Variants in FAT3 observed in about 807,000 individuals in gnomAD.
FAT3 encodes the protein protocadherin Fat 3.
In FAT3, 95 loss-of-function variants were observed where a neutral mutation model predicts 310.2. The observed-to-expected ratio is 0.31, with a 90% confidence interval of 0.26 to 0.36. FAT3 has a LOEUF of 0.36. Among genes scored for constraint, FAT3 ranks in the 10% least tolerant of loss-of-function variants. FAT3 has a pLI of 1.00. For missense variants in FAT3, 5,408 were observed against 5,715.6 expected (o/e 0.95, Z 1.74); for synonymous variants, 2,314 against 2,192.9 (o/e 1.06, Z -1.54).
At chr11:92,688,147 C>T (rs1943688383) in intron 3 of FAT3, among the ~76,000 whole-genome samples, 1 of 151,982 alleles carries the variant, frequency 6.6e-6, no homozygotes, top group African/African-American at 2.4e-5. Flanking sequence ...GCCTGTAGAG[C>T]TATGATCATG....
At chr11:92,452,171 G>A (rs1951372145) in intron 2 of FAT3, among the ~76,000 whole-genome samples, 1 of 152,166 alleles carries the variant, frequency 6.6e-6, no homozygotes, top group Non-Finnish European at 1.5e-5. Flanking sequence ...GTCAACCAGT[G>A]AGCATTAGTG....
chr11:92,766,909 A>C (rs1488874607), intron 6 of FAT3: 2 of 152,350 alleles, frequency 1.3e-5, no homozygotes, highest in African/African-American at 4.8e-5. Flanking sequence ...AGTGCAATTC[A>C]GTTCTTACAC....
At position 92,523,164 on chromosome 11, in the gene FAT3, TTTG is replaced by T. The variant is rs57625183; in HGVS notation, c.3293-1457_3293-1455del. Among the ~76,000 whole-genome samples the T allele has an allele frequency of 1.9e-3, 296 of 152,204 alleles. 1 individual carries two copies. Among genetic ancestry groups the T allele is most frequent in the African/African-American group, 6.8e-3 (281 of 41,494 alleles). On this transcript the variant is annotated intron_variant, in intron 2 of 27. Transcript: ENST00000525166. The stretch of plus-strand genomic sequence containing the variant: ...ACACATCACTGCGTTTATAATAGCT[TTTG>T]TTGTTGTTGTTGCTTTTACTTCTCA...
At position 92,886,841 on chromosome 11, in the gene FAT3, C is replaced by G; in HGVS notation, c.12938-159C>G. On this transcript the variant is annotated intron_variant, in intron 24 of 27. Transcript: ENST00000525166. Reference sequence around the variant, plus strand: ...TCACTTGATTGACAGAACTTTGCCCCCAGTGGCACAGTCAATTTTCTACTG... The same window carrying G: ...TCACTTGATTGACAGAACTTTGCCCGCAGTGGCACAGTCAATTTTCTACTG... 10 of 612,772 alleles carry G rather than the reference C, an allele frequency of 1.6e-5. No individual in the cohort carries two copies. The South Asian group carries it at 2.0e-4, about 12-fold the overall frequency. The allele number at this position is 612,772 out of a possible 1,614,324, so 38.0% of individuals were successfully genotyped here.
At chr11:92,771,488 T>C (rs990803519) in intron 6 of FAT3, among the ~76,000 whole-genome samples, 19 of 151,060 alleles carry the variant, frequency 1.3e-4, no homozygotes, top group Non-Finnish European at 1.0e-4. Context: ...TTGTCAGAAA[T>C]TCATTTTAAA....
intron 2 of FAT3, among the ~76,000 whole-genome samples, chr11:92,410,151 AT>A (rs149314482): frequency 6.6e-6 from 1 of 151,626 alleles, no homozygotes; most frequent in East Asian, 1.9e-4. Context: ...GTGGTTGGTG[AT>A]TTTTTTTTAA....
chr11:92,277,498 A>G (rs1193148049), intron 1 of FAT3, among the ~76,000 whole-genome samples: 2 of 152,190 alleles, frequency 1.3e-5, no homozygotes, highest in African/African-American at 2.4e-5. Flanking sequence ...GGAAATGTGC[A>G]TACACACCTT....
At chr11:92,368,513 A>T (rs978503874) in intron 2 of FAT3, among the ~76,000 whole-genome samples, 4 of 152,196 alleles carry the variant, frequency 2.6e-5, no homozygotes, top group African/African-American at 4.8e-5. Context: ...TTTAACTTGT[A>T]TGCTGCATCA....
intron 2 of FAT3, among the ~76,000 whole-genome samples, chr11:92,496,805 G>C (rs2135257373): frequency 6.6e-6 from 1 of 152,072 alleles, no homozygotes. Flanking sequence ...TAATATGAGA[G>C]TTGAGTTTTA....
chr11:92,257,927 T>C (rs1865378870), intron 1 of FAT3, among the ~76,000 whole-genome samples: 1 of 152,136 alleles, frequency 6.6e-6, no homozygotes, highest in Non-Finnish European at 1.5e-5. Flanking sequence ...GCAATCAGTT[T>C]TTACCTCAAA....
chr11:92,592,585 G>A (rs1416501681), intron 3 of FAT3, among the ~76,000 whole-genome samples: 1 of 152,002 alleles, frequency 6.6e-6, no homozygotes, highest in Non-Finnish European at 1.5e-5. Flanking sequence ...CTCCCAAAGT[G>A]CTGGGATTAC....
At chr11:92,718,560 T>G (rs1028924303) in intron 4 of FAT3, among the ~76,000 whole-genome samples, 2 of 152,194 alleles carry the variant, frequency 1.3e-5, no homozygotes, top group African/African-American at 4.8e-5. Flanking sequence ...TCAATCTTGT[T>G]ATTACTCTTT....
intron 1 of FAT3, among the ~76,000 whole-genome samples, chr11:92,235,436 T>G (rs1300716726): frequency 2.0e-5 from 3 of 152,200 alleles, no homozygotes; most frequent in Admixed American, 2.0e-4. Flanking sequence ...TGCCTTGTAA[T>G]GAAATTACCT....
Position 92,226,065 on chromosome 11 carries a change from A to G in FAT3, c.-18+891A>G, listed in dbSNP as rs942660976. Among the ~76,000 whole-genome samples, 3 of 152,126 alleles carry G rather than the reference A, an allele frequency of 2.0e-5. No homozygotes were observed. In the South Asian group the frequency reaches 6.2e-4, roughly 31 times the overall value. On this transcript the variant is annotated intron_variant, in intron 1 of 27. Coordinates refer to ENST00000525166, the MANE Select transcript of FAT3 (RefSeq NM_001367949.2). ...AGGCCCCACTCCCGGGCGGTTCGGGACGAATCCCCTCTACAGGCCAGTGTG... is the reference window on the plus strand; with the variant it reads ...AGGCCCCACTCCCGGGCGGTTCGGGGCGAATCCCCTCTACAGGCCAGTGTG...
intron 3 of FAT3, among the ~76,000 whole-genome samples, chr11:92,541,714 G>A (rs1387500699): frequency 6.6e-6 from 1 of 152,074 alleles, no homozygotes; most frequent in Non-Finnish European, 1.5e-5. Context: ...CAGTGCCATG[G>A]TGCCCTCCTA....
intron 7 of FAT3, among the ~76,000 whole-genome samples, chr11:92,775,803 C>T (rs1946583547): frequency 6.6e-6 from 1 of 152,206 alleles, no homozygotes; most frequent in Admixed American, 6.5e-5. Context: ...CAGCCAGGGT[C>T]GAGGACCCCA....
chr11:92,349,038 C>T (rs1948490894), intron 1 of FAT3, among the ~76,000 whole-genome samples: 1 of 152,074 alleles, frequency 6.6e-6, no homozygotes, highest in African/African-American at 2.4e-5. Flanking sequence ...AGGGGGCAGA[C>T]TCAGAAAAGT....
intron 3 of FAT3, among the ~76,000 whole-genome samples, chr11:92,617,781 G>A (rs144473336): frequency 0.017 from 2,534 of 152,236 alleles, 43 homozygotes; most frequent in Non-Finnish European, 0.024. Context: ...TGTCACCAGC[G>A]GAGCCTGCAG....
chr11:92,319,672 A>C (rs190836368), intron 1 of FAT3, among the ~76,000 whole-genome samples: 1 of 152,202 alleles, frequency 6.6e-6, no homozygotes, highest in East Asian at 1.9e-4. Flanking sequence ...TATTACGAGA[A>C]TCTGCTTCTA....
Sources: allele counts gnomAD v4.1 joint callset (sites outside exome capture counted in the v4.1 genomes callset), GRCh38; gene constraint gnomAD v4.1.1; transcripts MANE v1.5; gene names NCBI Gene and HGNC (gene_info 2026-07-23, HGNC 2026-07-21).